Variants in SLC24A3 observed in about 807,000 individuals in gnomAD.
SLC24A3 encodes the protein sodium/potassium/calcium exchanger 3.
A neutral mutation model predicts 75.8 loss-of-function variants in SLC24A3; 28 were observed. The observed-to-expected ratio is 0.37, with a 90% CI of 0.27 to 0.51. The LOEUF is 0.51. Ranked by LOEUF, SLC24A3 falls within the 20% of genes least tolerant of loss-of-function variation. The probability of loss-of-function intolerance (pLI) is 0.94; values close to 1 mark genes in which losing one functional copy is unlikely to be tolerated. For synonymous variants in SLC24A3, 372 were observed against 334.1 expected, an observed-to-expected ratio of 1.11 and a Z score of -1.24; for missense variants, 663 against 847.8, an observed-to-expected ratio of 0.78 and a Z score of 2.71.
chr20:19,508,336 G>A (rs957097009), intron 2 of SLC24A3, among the ~76,000 whole-genome samples: 2 of 152,158 alleles, frequency 1.3e-5, no homozygotes, highest in African/African-American at 2.4e-5. Flanking sequence ...GAAGGTCACT[G>A]GGATGGCAGA....
At chr20:19,510,959 C>T (rs192804653) in intron 2 of SLC24A3, among the ~76,000 whole-genome samples, 10 of 152,342 alleles carry the variant, frequency 6.6e-5, no homozygotes, top group Admixed American at 2.0e-4. Flanking sequence ...GCATGCTTGG[C>T]TTGGCCAGTG....
At chr20:19,444,276 CAT>C (rs1293954165) in intron 2 of SLC24A3, among the ~76,000 whole-genome samples, 1 of 152,106 alleles carries the variant, frequency 6.6e-6, no homozygotes, top group African/African-American at 2.4e-5. Context: ...GTTCATGAGA[CAT>C]ATTAGTCTGT....
chr20:19,372,540 C>T (rs1986010285), intron 2 of SLC24A3, among the ~76,000 whole-genome samples: 1 of 152,206 alleles, frequency 6.6e-6, no homozygotes, highest in African/African-American at 2.4e-5. Context: ...TGGGAGCAGG[C>T]TCAGTGTGTC....
rs150745287 is a variant in SLC24A3 at position 19,705,330 on chromosome 20, C to T, written c.1719+6650C>T. Among the ~76,000 whole-genome samples, 521 of 152,280 alleles carry T rather than the reference C, an allele frequency of 3.4e-3. 2 individuals are homozygous for T. Among genetic ancestry groups the T allele is most frequent in the African/African-American group, 0.011 (477 of 41,566 alleles). On this transcript the variant is annotated intron_variant, in intron 15 of 16. Coordinates refer to ENST00000328041, the MANE Select transcript of SLC24A3 (RefSeq NM_020689.4). Reference sequence around the variant, plus strand: ...CCTCTCTGGATCCTTTGTTCAGTCCCTGGTCCCTCCCTGGCTCTCTTTGGG... The same window carrying T: ...CCTCTCTGGATCCTTTGTTCAGTCCTTGGTCCCTCCCTGGCTCTCTTTGGG...
At chr20:19,312,411 A>G (rs904440541) in intron 2 of SLC24A3, among the ~76,000 whole-genome samples, 1 of 152,186 alleles carries the variant, frequency 6.6e-6, no homozygotes, top group Non-Finnish European at 1.5e-5. Context: ...AACTTGAAGA[A>G]TCATTTAAGA....
intron 1 of SLC24A3, among the ~76,000 whole-genome samples, chr20:19,240,281 C>T (rs898000930): frequency 3.9e-5 from 6 of 152,172 alleles, no homozygotes; most frequent in Non-Finnish European, 7.4e-5. Context: ...TGAGCCATTG[C>T]AGCCTCAATG....
chr20:19,470,504 G>A (rs148383515), intron 2 of SLC24A3, among the ~76,000 whole-genome samples: 22 of 152,212 alleles, frequency 1.4e-4, no homozygotes, highest in African/African-American at 4.8e-4. Context: ...TCAGAGTCTG[G>A]GGAATGGTCA....
chr20:19,415,216 C>T (rs1401553411), intron 2 of SLC24A3, among the ~76,000 whole-genome samples: 1 of 152,148 alleles, frequency 6.6e-6, no homozygotes, highest in Admixed American at 6.5e-5. Context: ...TGTGGATACA[C>T]AGGTATGTGC....
chr20:19,554,486 C>T (rs1370103371), intron 3 of SLC24A3, among the ~76,000 whole-genome samples: 1 of 152,074 alleles, frequency 6.6e-6, no homozygotes, highest in African/African-American at 2.4e-5. Context: ...ACACTGGGCT[C>T]AGAGTTCACT....
At chr20:19,270,356 C>G (rs1321083774) in intron 1 of SLC24A3, among the ~76,000 whole-genome samples, 1 of 152,120 alleles carries the variant, frequency 6.6e-6, no homozygotes, top group Non-Finnish European at 1.5e-5. Flanking sequence ...ACATTACATG[C>G]ATGCATGCTC....
intron 2 of SLC24A3, among the ~76,000 whole-genome samples, chr20:19,354,406 G>A (rs1428205924): frequency 6.6e-6 from 1 of 152,064 alleles, no homozygotes; most frequent in Non-Finnish European, 1.5e-5. Flanking sequence ...AGGTGCAGGG[G>A]GTTGGCCTAC....
intron 2 of SLC24A3, among the ~76,000 whole-genome samples, chr20:19,432,905 T>C (rs1461499658): frequency 1.3e-5 from 2 of 152,236 alleles, no homozygotes; most frequent in African/African-American, 4.8e-5. Context: ...TGTTCCATTA[T>C]TGGAACATAA....
chr20:19,348,077 G>A (rs1198603753), intron 2 of SLC24A3, among the ~76,000 whole-genome samples: 2 of 152,186 alleles, frequency 1.3e-5, no homozygotes, highest in Admixed American at 1.3e-4. Context: ...CCGATGACAG[G>A]CAGTTCCCCA....
In SLC24A3 at chr20:19,722,656, G is replaced by GAA. The variant is rs1226755701; in HGVS notation, c.*1516_*1517insAA. ...TTCGGTATGGTTTTCCCTGTCCCTT[G>GAA]TACACATTCTGGTATGAATTTGTAA... On this transcript the variant is annotated 3_prime_UTR_variant, in exon 17 of 17. Transcript: ENST00000328041. 1.3e-5 allele frequency: 2 copies of GAA among 152,584 alleles called. No homozygotes were observed. Among genetic ancestry groups the GAA allele is most frequent in the African/African-American group, 4.8e-5 (2 of 41,410 alleles). The allele number at this position is 152,584 out of a possible 1,614,324, so 9.5% of individuals were successfully genotyped here.
chr20:19,235,313 G>GGGT (rs2122154123), intron 1 of SLC24A3, among the ~76,000 whole-genome samples: 1 of 152,318 alleles, frequency 6.6e-6, no homozygotes, highest in African/African-American at 2.4e-5. Context: ...AGGTGAGGTA[G>GGGT]GGTGGTGCTG....
rs1338968631 is a variant in SLC24A3, at chr20:19,714,718, AGAG to A, written c.1720-2809_1720-2807del. On this transcript the variant is annotated intron_variant, in intron 15 of 16. Transcript: ENST00000328041. Reference sequence around the variant, plus strand: ...GTTAAAAACACAGCAACTCCACAAAAGAGTGAGTTGCCTTTGGCCTCTGGAACC... The same window carrying A: ...GTTAAAAACACAGCAACTCCACAAAATGAGTTGCCTTTGGCCTCTGGAACC... 4.6e-5 allele frequency among the ~76,000 whole-genome samples: 7 copies of A among 152,372 alleles called. No homozygotes were observed. The East Asian group carries it at 1.3e-3, about 29-fold the overall frequency.
At chr20:19,260,229 G>T (rs2122193617) in intron 1 of SLC24A3, among the ~76,000 whole-genome samples, 1 of 152,300 alleles carries the variant, frequency 6.6e-6, no homozygotes, top group South Asian at 2.1e-4. Context: ...CTAGTCCTAT[G>T]CAGAGATAAC....
At chr20:19,718,689 C>T (rs1257963539) in intron 16 of SLC24A3, among the ~76,000 whole-genome samples, 1 of 152,098 alleles carries the variant, frequency 6.6e-6, no homozygotes, top group Non-Finnish European at 1.5e-5. Flanking sequence ...ACTGGGCTGT[C>T]AAAATGAGGT....
chr20:19,659,853 C>T (rs1232758732), intron 7 of SLC24A3, among the ~76,000 whole-genome samples: 6 of 152,236 alleles, frequency 3.9e-5, no homozygotes. Context: ...GTTACCTTCA[C>T]TTACTTTGTG....
Sources: gnomAD v4.1 joint callset for allele counts (sites outside exome capture counted in the v4.1 genomes callset) on GRCh38, gnomAD v4.1.1 for gene constraint, MANE v1.5 for transcripts, NCBI Gene and HGNC (gene_info 2026-07-23, HGNC 2026-07-21) for gene names.